NBPF12: variants seen among roughly 807,000 people sequenced by gnomAD.
NBPF12 encodes NBPF family member NBPF12.
A neutral mutation model predicts 146.4 loss-of-function variants in NBPF12; 115 were observed. The observed-to-expected ratio is 0.79, with a 90% CI of 0.68 to 0.92. NBPF12 has a LOEUF of 0.92. Among genes scored for constraint, NBPF12 ranks in the 40% least tolerant of loss-of-function variants. NBPF12 has a pLI of 0.00. For missense variants in NBPF12, 1,205 were observed against 1,326.8 expected, an observed-to-expected ratio of 0.91 and a Z score of 1.43; for synonymous variants, 385 against 508.9, an observed-to-expected ratio of 0.76 and a Z score of 3.28.
intron 18 of NBPF12, among the ~76,000 whole-genome samples, chr1:146,978,153 C>G (rs1387278197): frequency 1.1e-4 from 17 of 151,126 alleles, no homozygotes; most frequent in African/African-American, 3.4e-4. Flanking sequence ...AGGATGGAAA[C>G]TTTTCTTCTT....
upstream of NBPF12, among the ~76,000 whole-genome samples, chr1:146,949,114 A>G (rs1288297444): frequency 6.6e-6 from 1 of 152,194 alleles, no homozygotes; most frequent in Non-Finnish European, 1.5e-5. Context: ...ATAAATACTA[A>G]GGGAACTCAG....
intron 6 of NBPF12, 105 bp from the exon 10 acceptor site, chr1:146,964,252 A>G (rs1294728021): frequency 1.3e-6 from 2 of 1,528,370 alleles, no homozygotes; most frequent in African/African-American, 2.8e-5. Flanking sequence ...TTTTCAGTAC[A>G]ATGCTGAACC....
rs1162462110 is a variant in NBPF12 at position 146,965,791 on chromosome 1, C to CAAAAAAAAAAAAAAA, written c.779-658_779-644dup. 4.3e-4 allele frequency among the ~76,000 whole-genome samples: 13 copies of CAAAAAAAAAAAAAAA among 30,058 alleles called. 1 individual carries two copies. The highest frequency in any genetic ancestry group is 3.2e-3 in the East Asian group (2 of 626). 19.7% of individuals were successfully genotyped at this position (30,058 alleles called of 152,430 possible). ...TGGGAGACAGAGCGAGACTGCATCT[C>CAAAAAAAAAAAAAAA]AAAAAAAAAAAAAAAAAAAAAAAAA... On this transcript the variant is annotated intron_variant, in intron 8 of 33. Coordinates refer to ENST00000617844, the Ensembl canonical transcript of NBPF12.
intron 2 of NBPF12, among the ~76,000 whole-genome samples, 176 bp downstream of exon 2, chr1:146,943,738 C>T: frequency 6.6e-6 from 1 of 151,954 alleles, no homozygotes; most frequent in Admixed American, 6.5e-5. Flanking sequence ...CAGCATGTGC[C>T]ACCCTGGACT....
In NBPF12 at chr1:146,969,378, T is replaced by A; in HGVS notation, c.1092-4T>A. On this transcript the variant is annotated splice_polypyrimidine_tract_variant and splice_region_variant and intron_variant, in intron 10 of 33. Coordinates refer to ENST00000617844, the Ensembl canonical transcript of NBPF12. Reference sequence around the variant, plus strand: ...CTTAAATTTTCTCTACCGTCTCACCTTAGGCAATATAAAGTCCTGGTTCAC... The same window carrying A: ...CTTAAATTTTCTCTACCGTCTCACCATAGGCAATATAAAGTCCTGGTTCAC... 1.1e-6 allele frequency: 1 copy of A among 946,074 alleles called. No homozygotes were observed. Among genetic ancestry groups the A allele is most frequent in the African/African-American group, 1.7e-5 (1 of 59,790 alleles). The allele number at this position is 946,074 out of a possible 1,614,324, so 58.6% of individuals were successfully genotyped here.
chr1:146,957,985 G>GTATA (rs1167798600), intron 2 of NBPF12, among the ~76,000 whole-genome samples: 2 of 116,284 alleles, frequency 1.7e-5, no homozygotes, highest in East Asian at 2.9e-4. Context: ...ATATATGTGT[G>GTATA]TGTATATATA....
chr1:146,971,027 G>A (rs1380029128), intron 12 of NBPF12, among the ~76,000 whole-genome samples, 156 bp from the exon 16 acceptor site: 1 of 151,412 alleles, frequency 6.6e-6, no homozygotes, highest in Non-Finnish European at 1.5e-5. Flanking sequence ...CTGTTGCAGA[G>A]AGAAGAGGAT....
intron 14 of NBPF12, 103 bp downstream of exon 17, chr1:146,973,063 A>C: frequency 1.5e-6 from 1 of 683,544 alleles, no homozygotes; most frequent in Non-Finnish European, 2.7e-6. Flanking sequence ...CATCCTCCCC[A>C]TACTTCTAGG....
exon 34 of NBPF12, chr1:146,995,580 C>G (rs1375818804): frequency 2.6e-5 from 4 of 151,610 alleles, no homozygotes; most frequent in African/African-American, 7.3e-5. Context: ...TTATAGAGGA[C>G]AGGTCAGCTC....
chr1:146,968,020 G>C (rs1332661193), intron 9 of NBPF12, among the ~76,000 whole-genome samples: 1 of 148,748 alleles, frequency 6.7e-6, no homozygotes, highest in African/African-American at 2.5e-5. Flanking sequence ...ACTTGTCCTT[G>C]AAATTCCCAG....
chr1:146,955,853 G>A (rs1239300110), intron 2 of NBPF12, among the ~76,000 whole-genome samples: 19 of 151,414 alleles, frequency 1.3e-4, no homozygotes, highest in Non-Finnish European at 2.1e-4. Flanking sequence ...AGTAAAACTC[G>A]TTTAATACTA....
chr1:146,964,160 GT>G, intron 6 of NBPF12, among the ~76,000 whole-genome samples, 196 bp from the exon 10 acceptor site: 1 of 148,808 alleles, frequency 6.7e-6, no homozygotes, highest in South Asian at 2.2e-4. Flanking sequence ...CATCTTGATG[GT>G]GGCCCTCCAC....
At chr1:146,961,021 C>T (rs1655814125) in intron 4 of NBPF12, among the ~76,000 whole-genome samples, 2 of 152,010 alleles carry the variant, frequency 1.3e-5, no homozygotes, top group East Asian at 1.9e-4. Context: ...TGGCGGGCAA[C>T]TGTAATCACC....
intron 8 of NBPF12, among the ~76,000 whole-genome samples, chr1:146,965,544 A>T (rs1280264661): frequency 2.0e-5 from 3 of 150,174 alleles, no homozygotes; most frequent in Admixed American, 2.0e-4. Context: ...GCACTTTGGG[A>T]GGCCGAGGCG....
At chr1:146,956,385 T>A (rs1462036831) in intron 2 of NBPF12, among the ~76,000 whole-genome samples, 2 of 152,022 alleles carry the variant, frequency 1.3e-5, no homozygotes, top group Non-Finnish European at 2.9e-5. Flanking sequence ...CAAGAAACTT[T>A]GGGGCATAGG....
chr1:146,950,069 G>T (rs1273910936), intron 1 of NBPF12, among the ~76,000 whole-genome samples: 2 of 152,216 alleles, frequency 1.3e-5, no homozygotes, highest in African/African-American at 4.8e-5. Flanking sequence ...AGAGACAAGG[G>T]TGTGGCATGT....
chr1:146,951,230 A>T (rs1224404106), intron 1 of NBPF12, 118 bp from the exon 5 acceptor site: 1 of 649,928 alleles, frequency 1.5e-6, no homozygotes, highest in Non-Finnish European at 2.7e-6. Flanking sequence ...CTCTCAGGCC[A>T]CACAGGGCAC....
upstream of NBPF12, among the ~76,000 whole-genome samples, chr1:146,948,356 T>C (rs2101818328): frequency 6.6e-6 from 1 of 151,922 alleles, no homozygotes; most frequent in East Asian, 1.9e-4. Flanking sequence ...TGTGTCTGTG[T>C]AGGAAGAAGT....
intron 19 of NBPF12, among the ~76,000 whole-genome samples, chr1:146,982,558 G>C (rs1657461077): frequency 6.6e-6 from 1 of 151,910 alleles, no homozygotes; most frequent in African/African-American, 2.4e-5. Context: ...TGTCTGCATT[G>C]GGTCAAGAAC....
Sources: allele counts gnomAD v4.1 joint callset (sites outside exome capture counted in the v4.1 genomes callset), GRCh38; gene constraint gnomAD v4.1.1; transcripts MANE v1.5; gene names NCBI Gene and HGNC (gene_info 2026-07-23, HGNC 2026-07-21).